Variants in PTPRK observed in about 807,000 individuals in gnomAD.
The protein encoded by PTPRK is receptor-type tyrosine-protein phosphatase kappa.
A neutral mutation model predicts 178.0 loss-of-function variants in PTPRK; 75 were observed. The observed-to-expected ratio is 0.42, with a 90% CI of 0.35 to 0.51. The LOEUF (loss-of-function observed/expected upper bound fraction) is 0.51, where lower values mean the gene tolerates loss of function less well. Ranked by LOEUF, PTPRK falls within the 20% of genes least tolerant of loss-of-function variation. The probability of loss-of-function intolerance (pLI) is 0.02; values close to 1 mark genes in which losing one functional copy is unlikely to be tolerated. For synonymous variants in PTPRK, 637 were observed against 620.6 expected (o/e 1.03, Z -0.39); for missense variants, 1,441 against 1,797.8 (o/e 0.80, Z 3.59).
intron 5 of PTPRK, among the ~76,000 whole-genome samples, chr6:128,233,847 C>T (rs1426050623): frequency 6.6e-6 from 1 of 152,334 alleles, no homozygotes; most frequent in African/African-American, 2.4e-5. Context: ...AATCTACCCA[C>T]ACAATTCCCT....
chr6:128,438,199 G>T (rs1157347266), intron 1 of PTPRK, among the ~76,000 whole-genome samples: 13 of 152,246 alleles, frequency 8.5e-5, no homozygotes, highest in African/African-American at 2.9e-4. Flanking sequence ...GTTTCTCAAA[G>T]AGAGTCTTGC....
chr6:128,189,347 C>T (rs998848131), intron 6 of PTPRK, among the ~76,000 whole-genome samples: 1 of 144,812 alleles, frequency 6.9e-6, no homozygotes, highest in African/African-American at 2.6e-5. Flanking sequence ...TCAAGCTACT[C>T]TCCTGCCTCA....
intron 2 of PTPRK, among the ~76,000 whole-genome samples, chr6:128,364,498 T>C (rs1186882280): frequency 6.6e-6 from 1 of 152,064 alleles, no homozygotes; most frequent in Non-Finnish European, 1.5e-5. Context: ...TTCAGTTTAT[T>C]GTCATGAATA....
At chr6:128,233,197 T>C (rs1173365796) in intron 5 of PTPRK, among the ~76,000 whole-genome samples, 1 of 152,250 alleles carries the variant, frequency 6.6e-6, no homozygotes, top group Admixed American at 6.5e-5. Context: ...AAAAATGCTA[T>C]AGCATGGGGT....
intron 1 of PTPRK, among the ~76,000 whole-genome samples, chr6:128,443,688 T>A (rs74397959): frequency 6.6e-6 from 1 of 152,140 alleles, no homozygotes; most frequent in Non-Finnish European, 1.5e-5. Flanking sequence ...CTGATATTAA[T>A]CACTAACTGA....
intron 3 of PTPRK, among the ~76,000 whole-genome samples, chr6:128,285,126 C>T (rs1184370313): frequency 6.6e-6 from 1 of 152,188 alleles, no homozygotes; most frequent in African/African-American, 2.4e-5. Flanking sequence ...CAGATAAAAA[C>T]TGACTTTTGC....
chr6:128,391,478 C>T (rs1025986128), intron 2 of PTPRK, among the ~76,000 whole-genome samples: 3 of 152,142 alleles, frequency 2.0e-5, no homozygotes, highest in East Asian at 1.9e-4. Context: ...AGCTAATATT[C>T]ATTGCCAATA....
At chr6:128,508,955 AAAAAG>A (rs370736080) in intron 1 of PTPRK, among the ~76,000 whole-genome samples, 2,026 of 151,650 alleles carry the variant, frequency 0.013, 45 homozygotes, top group African/African-American at 0.046. Flanking sequence ...CTCAAAAAAA[AAAAAG>A]AAAAGAAAAG....
At chr6:128,493,525 G>A (rs925183108) in intron 1 of PTPRK, among the ~76,000 whole-genome samples, 17 of 150,374 alleles carry the variant, frequency 1.1e-4, no homozygotes, top group Non-Finnish European at 1.9e-4. Flanking sequence ...TCGTGCCACT[G>A]CGCTCCAGCT....
At chr6:127,995,310 T>C (rs1217028795) in intron 18 of PTPRK, 152 bp downstream of exon 18, 3 of 1,600,602 alleles carry the variant, frequency 1.9e-6, no homozygotes, top group South Asian at 2.2e-5. Context: ...AGCACAACAA[T>C]GTCAGTAAGT....
chr6:128,420,656 G>A (rs929954402), intron 1 of PTPRK, among the ~76,000 whole-genome samples: 4 of 152,144 alleles, frequency 2.6e-5, no homozygotes, highest in African/African-American at 9.7e-5. Context: ...GAGAGCAGCA[G>A]GAATTTTACA....
chr6:128,082,891 C>CA (rs1238541275), intron 9 of PTPRK, among the ~76,000 whole-genome samples: 5 of 151,698 alleles, frequency 3.3e-5, no homozygotes, highest in African/African-American at 2.4e-5. Context: ...TTTCTTCCAT[C>CA]AAAAAAACCA....
intron 6 of PTPRK, among the ~76,000 whole-genome samples, chr6:128,199,425 G>C (rs1014599941): frequency 4.6e-5 from 7 of 152,250 alleles, no homozygotes; most frequent in Non-Finnish European, 8.8e-5. Flanking sequence ...CAAGAACAGT[G>C]GTTACTCTGG....
At chr6:128,073,211 A>G (rs1783151135) in intron 11 of PTPRK, among the ~76,000 whole-genome samples, 1 of 152,104 alleles carries the variant, frequency 6.6e-6, no homozygotes, top group Non-Finnish European at 1.5e-5. Context: ...TATCTGTTAC[A>G]TATCATGAAT....
intron 3 of PTPRK, among the ~76,000 whole-genome samples, chr6:128,247,660 GA>G (rs1407467070): frequency 6.6e-6 from 1 of 152,118 alleles, no homozygotes; most frequent in Non-Finnish European, 1.5e-5. Flanking sequence ...TATGTAAAAT[GA>G]AAACTTCAAT....
intron 13 of PTPRK, among the ~76,000 whole-genome samples, chr6:128,031,646 A>T (rs117749759): frequency 8.5e-5 from 13 of 152,220 alleles, no homozygotes; most frequent in African/African-American, 1.4e-4. Context: ...ATTTAAAAAA[A>T]ATCAGCTATG....
intron 2 of PTPRK, among the ~76,000 whole-genome samples, chr6:128,338,555 C>T (rs1251924158): frequency 1.3e-5 from 2 of 152,106 alleles, no homozygotes; most frequent in Non-Finnish European, 2.9e-5. Context: ...CATTAGGAAG[C>T]CCAAATAATA....
chr6:128,092,047 T>G (rs892575158), intron 7 of PTPRK, among the ~76,000 whole-genome samples: 1 of 152,194 alleles, frequency 6.6e-6, no homozygotes, highest in Non-Finnish European at 1.5e-5. Flanking sequence ...CTGCTTACTT[T>G]GGCACTCATT....
intron 7 of PTPRK, among the ~76,000 whole-genome samples, chr6:128,146,474 T>G (rs1255171687): frequency 1.3e-5 from 2 of 151,340 alleles, no homozygotes; most frequent in Non-Finnish European, 2.9e-5. Flanking sequence ...TGATGGAGTC[T>G]CGCTCTGTCA....
Sources: gnomAD v4.1 joint callset for allele counts (sites outside exome capture counted in the v4.1 genomes callset) on GRCh38, gnomAD v4.1.1 for gene constraint, MANE v1.5 for transcripts, NCBI Gene and HGNC (gene_info 2026-07-23, HGNC 2026-07-21) for gene names.